CADM2: variants seen among roughly 807,000 people sequenced by gnomAD.
CADM2 encodes immunoglobulin superfamily member 4D.
Under a neutral mutation model 49.8 loss-of-function variants are expected in CADM2, and 12 were observed. The observed-to-expected ratio is 0.24, with a 90% CI of 0.15 to 0.39. The LOEUF (loss-of-function observed/expected upper bound fraction) is 0.39. CADM2 is among the 10% of genes least tolerant of loss of function. CADM2 has a pLI of 1.00. For missense variants in CADM2, 378 were observed against 492.3 expected (o/e 0.77, Z 2.20); for synonymous variants, 214 against 175.4 (o/e 1.22, Z -1.74).
At chr3:85,693,565 G>T (rs1577099014) in intron 1 of CADM2, among the ~76,000 whole-genome samples, 1 of 48,576 alleles carries the variant, frequency 2.1e-5, no homozygotes, top group Non-Finnish European at 4.2e-5. Context: ...CGGCGAAAGA[G>T]CAAAAAAAAA....
chr3:85,835,842 A>G (rs1055432722), intron 3 of CADM2, among the ~76,000 whole-genome samples: 2 of 150,270 alleles, frequency 1.3e-5, no homozygotes, highest in African/African-American at 4.9e-5. Context: ...ATCTAGTGTC[A>G]GAGTATCTCT....
intron 1 of CADM2, among the ~76,000 whole-genome samples, chr3:85,619,147 T>G (rs1203372332): frequency 1.3e-5 from 2 of 152,116 alleles, no homozygotes; most frequent in African/African-American, 4.8e-5. Flanking sequence ...TATTAAAATT[T>G]TGGACACTGT....
chr3:85,741,816 T>G (rs2068404371), intron 2 of CADM2, among the ~76,000 whole-genome samples: 1 of 152,224 alleles, frequency 6.6e-6, no homozygotes, highest in African/African-American at 2.4e-5. Flanking sequence ...AAAAATAAAA[T>G]TGGAACTTAT....
intron 8 of CADM2, among the ~76,000 whole-genome samples, chr3:85,999,057 C>A (rs1729795070): frequency 6.6e-6 from 1 of 151,916 alleles, no homozygotes; most frequent in Non-Finnish European, 1.5e-5. Context: ...TTTAAACATG[C>A]AGAGTTTTAA....
At chr3:85,502,027 T>C (rs780229725) in intron 1 of CADM2, among the ~76,000 whole-genome samples, 3 of 152,116 alleles carry the variant, frequency 2.0e-5, no homozygotes, top group Non-Finnish European at 4.4e-5. Flanking sequence ...ATGCAGGAAG[T>C]ATTACAAAAG....
chr3:85,986,860 G>T (rs1284853420), intron 8 of CADM2, among the ~76,000 whole-genome samples: 3 of 151,996 alleles, frequency 2.0e-5, no homozygotes, highest in Non-Finnish European at 2.9e-5. Context: ...GGCAGGATGT[G>T]GGTAGGAATA....
intron 8 of CADM2, among the ~76,000 whole-genome samples, chr3:86,030,744 T>C (rs1316405765): frequency 6.6e-6 from 1 of 151,904 alleles, no homozygotes; most frequent in Non-Finnish European, 1.5e-5. Context: ...TAGCACAAGG[T>C]CTTGTACATA....
chr3:85,868,892 T>G (rs1322453870), intron 3 of CADM2, among the ~76,000 whole-genome samples: 1 of 152,204 alleles, frequency 6.6e-6, no homozygotes, highest in African/African-American at 2.4e-5. Flanking sequence ...CTTTTGCACC[T>G]TTATCTTCAT....
chr3:85,924,275 T>C (rs1719533762), intron 6 of CADM2, among the ~76,000 whole-genome samples: 3 of 152,108 alleles, frequency 2.0e-5, no homozygotes, highest in Admixed American at 6.6e-5. Flanking sequence ...CTTAAAATAA[T>C]GTACCATAGA....
rs180786388 is a variant in CADM2 at position 86,009,447 on chromosome 3, A to G, written c.970+47800A>G. On this transcript the variant is annotated intron_variant, in intron 8 of 9. Transcript: ENST00000383699. Reference sequence around the variant, plus strand: ...TTTTTACTATTATTTTAGGAAGAAGATCACTTATTTTTGGAGTGCCAGCAC... The same window carrying G: ...TTTTTACTATTATTTTAGGAAGAAGGTCACTTATTTTTGGAGTGCCAGCAC... Among the ~76,000 whole-genome samples, 165 of 151,688 alleles carry G rather than the reference A, an allele frequency of 1.1e-3. 3 individuals are homozygous for G. Among genetic ancestry groups the G allele is most frequent in the Admixed American group, 0.011 (163 of 15,226 alleles).
intron 1 of CADM2, among the ~76,000 whole-genome samples, chr3:85,557,562 A>T (rs1256564227): frequency 6.6e-6 from 1 of 152,024 alleles, no homozygotes; most frequent in East Asian, 1.9e-4. Flanking sequence ...TAAATTAAAT[A>T]GAAAATGCAT....
At chr3:85,659,659 A>G (rs551441953) in intron 1 of CADM2, among the ~76,000 whole-genome samples, 1 of 152,140 alleles carries the variant, frequency 6.6e-6, no homozygotes, top group Non-Finnish European at 1.5e-5. Context: ...TAATTTCAAC[A>G]TGTGGATTAG....
chr3:85,307,195 T>G (rs2044234457), intron 1 of CADM2, among the ~76,000 whole-genome samples: 1 of 150,378 alleles, frequency 6.6e-6, no homozygotes. Flanking sequence ...ATACACATAT[T>G]ATATATATAT....
intron 3 of CADM2, among the ~76,000 whole-genome samples, chr3:85,875,749 A>C (rs188455664): frequency 1.8e-3 from 269 of 152,336 alleles, no homozygotes; most frequent in African/African-American, 5.7e-3. Flanking sequence ...TAAGTGGACA[A>C]TGTGCAGAGA....
intron 1 of CADM2, among the ~76,000 whole-genome samples, chr3:85,366,694 G>GT (rs1320868111): frequency 1.3e-5 from 2 of 151,964 alleles, no homozygotes; most frequent in Non-Finnish European, 2.9e-5. Context: ...TGAAATACCT[G>GT]TTTTTTAAGA....
At chr3:85,558,021 C>G (rs540016994) in intron 1 of CADM2, among the ~76,000 whole-genome samples, 1 of 152,000 alleles carries the variant, frequency 6.6e-6, no homozygotes, top group Non-Finnish European at 1.5e-5. Context: ...CCAGGTAATT[C>G]TCCTTTTTAC....
intron 1 of CADM2, among the ~76,000 whole-genome samples, chr3:85,275,242 T>C (rs888564261): frequency 3.3e-5 from 5 of 151,606 alleles, no homozygotes; most frequent in African/African-American, 4.8e-5. Flanking sequence ...ATTACATGCT[T>C]TTCTTTTGGA....
At chr3:85,231,325 A>G (rs917657210) in intron 1 of CADM2, among the ~76,000 whole-genome samples, 9 of 152,156 alleles carry the variant, frequency 5.9e-5, no homozygotes, top group African/African-American at 1.4e-4. Context: ...AGCAGCTATG[A>G]CATTGCTATG....
chr3:85,667,744 A>T (rs1374401959), intron 1 of CADM2, among the ~76,000 whole-genome samples: 1 of 152,066 alleles, frequency 6.6e-6, no homozygotes, highest in South Asian at 2.1e-4. Context: ...CAGGCAAAAG[A>T]GACCTAAGGG....
Sources: gnomAD v4.1 joint callset for allele counts (sites outside exome capture counted in the v4.1 genomes callset) on GRCh38, gnomAD v4.1.1 for gene constraint, MANE v1.5 for transcripts, NCBI Gene and HGNC (gene_info 2026-07-23, HGNC 2026-07-21) for gene names.